The following KCNT1 variants were observed in gnomAD, a reference collection of about 807,000 sequenced individuals.
The protein encoded by KCNT1 is potassium sodium-activated channel subfamily T member 1, also known as potassium channel subfamily T member 1.
Under a neutral mutation model 147.8 loss-of-function variants are expected in KCNT1, and 78 were observed. That is an observed-to-expected ratio of 0.53 (90% CI 0.44 to 0.64). The LOEUF is 0.64. Among genes scored for constraint, KCNT1 ranks in the 30% least tolerant of loss-of-function variants. KCNT1 has a pLI of 0.00. For missense variants in KCNT1, 1,419 were observed against 1,750.3 expected (o/e 0.81, Z 3.38); for synonymous variants, 867 against 748.8 (o/e 1.16, Z -2.58).
At position 135,791,345 on chromosome 9, in the gene KCNT1, C is replaced by G. The variant is rs541933907; in HGVS notation, c.3503-452C>G. The G allele has an allele frequency of 1.5e-5, 3 of 206,344 alleles. No individual in the cohort carries two copies. The East Asian group carries it at 4.3e-4, about 29-fold the overall frequency. The allele number at this position is 206,344 out of a possible 1,614,324, so 12.8% of individuals were successfully genotyped here. On this transcript the variant is annotated intron_variant, in intron 29 of 30. Coordinates refer to ENST00000371757, the MANE Select transcript of KCNT1 (RefSeq NM_020822.3). ...GCATGGGTTGCTATGAAGATCTGTG[C>G]AGACACACAAATGTGTGTGGAATAC...
In KCNT1 at chr9:135,706,424, T is replaced by A. The variant is rs536144396; in HGVS notation, c.110+4056T>A. Among the ~76,000 whole-genome samples, 10 of 152,336 alleles carry A rather than the reference T, an allele frequency of 6.6e-5. 1 individual carries two copies. The South Asian group carries it at 2.1e-3, about 32-fold the overall frequency. Reference sequence around the variant, plus strand: ...GGCCCACGGCCCCCAGGGGTGAGAATGGCTCCTCCTCACAACAGTGCCGGG... The same window carrying A: ...GGCCCACGGCCCCCAGGGGTGAGAAAGGCTCCTCCTCACAACAGTGCCGGG... On this transcript the variant is annotated intron_variant, in intron 1 of 30. Coordinates refer to ENST00000371757, the MANE Select transcript of KCNT1 (RefSeq NM_020822.3).
At chr9:135,787,351 G>A (rs1159904588) in intron 29 of KCNT1, among the ~76,000 whole-genome samples, 2 of 152,200 alleles carry the variant, frequency 1.3e-5, no homozygotes, top group Non-Finnish European at 2.9e-5. Context: ...TACCTCCGTT[G>A]ATGAAGCCAT....
chr9:135,748,962 C>T (rs1564342870), intron 2 of KCNT1, among the ~76,000 whole-genome samples: 2 of 152,150 alleles, frequency 1.3e-5, no homozygotes, highest in Non-Finnish European at 2.9e-5. Flanking sequence ...TGGGAGCAGC[C>T]GAGGGTCCCA....
intron 2 of KCNT1, among the ~76,000 whole-genome samples, chr9:135,745,331 A>T (rs1830773348): frequency 6.6e-6 from 1 of 151,620 alleles, no homozygotes; most frequent in Non-Finnish European, 1.5e-5. Context: ...GCCCACGCCC[A>T]GCTCCTGGGA....
chr9:135,746,875 G>A (rs1391769494), intron 2 of KCNT1, among the ~76,000 whole-genome samples: 1 of 152,164 alleles, frequency 6.6e-6, no homozygotes, highest in African/African-American at 2.4e-5. Context: ...CATCCTGAGG[G>A]CAGAGCTGCA....
At chr9:135,742,683 T>G (rs1036750737) in intron 2 of KCNT1, 14 of 713,996 alleles carry the variant, frequency 2.0e-5, no homozygotes, top group Admixed American at 1.2e-4. Context: ...GTCTACTGCC[T>G]TCTCCATCCG....
chr9:135,714,863 C>A lies in KCNT1; in HGVS notation c.254+143C>A. 1.9e-6 allele frequency: 1 copy of A among 521,908 alleles called. No homozygotes were observed. Among genetic ancestry groups the A allele is most frequent in the Non-Finnish European group, 2.6e-6 (1 of 377,630 alleles). 32.3% of individuals were successfully genotyped at this position (521,908 alleles called of 1,614,324 possible). A position where few individuals can be genotyped will look rare whatever the true frequency, so the allele number is the denominator to read the frequency against. ...CAACTTTTCCCGGCTTCTGGGGACG[C>A]AGAAGTTTCGGAGGGGGTGCGGGCA... On this transcript the variant is annotated intron_variant, in intron 2 of 30. Transcript: ENST00000371757. The surrounding 1 kb of genome is among the most constrained non-coding windows in gnomAD (Gnocchi z 6.2).
intron 2 of KCNT1, among the ~76,000 whole-genome samples, chr9:135,748,418 A>C (rs1003208956): frequency 4.0e-5 from 6 of 149,368 alleles, no homozygotes; most frequent in Non-Finnish European, 8.9e-5. Flanking sequence ...CGAATGTTTT[A>C]ATCACTTTCG....
At chr9:135,772,058 A>C (rs905438394) in intron 18 of KCNT1, among the ~76,000 whole-genome samples, 4 of 152,178 alleles carry the variant, frequency 2.6e-5, no homozygotes, top group Non-Finnish European at 4.4e-5. Flanking sequence ...CAGACCCCGC[A>C]GGTTCCCGGC....
chr9:135,728,323 C>T (rs910987887), intron 2 of KCNT1, among the ~76,000 whole-genome samples: 2 of 152,210 alleles, frequency 1.3e-5, no homozygotes, highest in African/African-American at 4.8e-5. Context: ...CACCCCGACA[C>T]CAGGAAATCG....
At position 135,724,677 on chromosome 9, in the gene KCNT1, G is replaced by T. The variant is rs80047461; in HGVS notation, c.254+9957G>T. ...GTGTATCCTATCCAATATCGGGGAC[G>T]TGCTTATACTTAAGACAATTATTTT... On this transcript the variant is annotated intron_variant, in intron 2 of 30. Coordinates refer to ENST00000371757, the MANE Select transcript of KCNT1 (RefSeq NM_020822.3). Among the ~76,000 whole-genome samples the T allele has an allele frequency of 4.1e-3, 625 of 152,362 alleles. 3 individuals carry two copies. Among genetic ancestry groups the T allele is most frequent in the East Asian group, 0.031 (160 of 5,192 alleles).
intron 2 of KCNT1, among the ~76,000 whole-genome samples, chr9:135,715,246 G>T (rs1431742840): frequency 6.6e-6 from 1 of 152,256 alleles, no homozygotes; most frequent in Non-Finnish European, 1.5e-5. Flanking sequence ...AAGGCAAAAT[G>T]AATTGTGTCT....
intron 11 of KCNT1, among the ~76,000 whole-genome samples, chr9:135,763,898 G>A (rs1832080113): frequency 6.6e-6 from 1 of 152,128 alleles, no homozygotes; most frequent in Non-Finnish European, 1.5e-5. Flanking sequence ...CTGAGGCTCA[G>A]AGTGGGGGAC....
At chr9:135,791,414 C>CCGA in intron 29 of KCNT1, 1 of 258,340 alleles carries the variant, frequency 3.9e-6, no homozygotes, top group South Asian at 5.1e-5. Context: ...TGAAGGCATG[C>CCGA]ATGCATGTGA....
At chr9:135,753,151 G>A (rs60153823) in intron 4 of KCNT1, among the ~76,000 whole-genome samples, 7,127 of 148,844 alleles carry the variant, frequency 0.048, 455 homozygotes, top group East Asian at 0.32. Context: ...ATGGATGAGT[G>A]AGTGGAAAGA....
chr9:135,766,859 G>A (rs1033252227), intron 13 of KCNT1: 2 of 152,194 alleles, frequency 1.3e-5, no homozygotes, highest in African/African-American at 2.4e-5. Context: ...CCAAGTCTAG[G>A]GAAATCTTTG....
chr9:135,778,545 C>T (rs770752412), intron 22 of KCNT1, 50 bp downstream of exon 22: 8 of 1,604,564 alleles, frequency 5.0e-6, no homozygotes, highest in Non-Finnish European at 6.0e-6. Context: ...CCACCCCTCC[C>T]CTCCTCTTCC....
intron 11 of KCNT1, among the ~76,000 whole-genome samples, chr9:135,762,583 A>C (rs192265957): frequency 6.6e-6 from 1 of 152,006 alleles, no homozygotes; most frequent in Non-Finnish European, 1.5e-5. Flanking sequence ...CCCCGTCTCT[A>C]CCAAAAAATA....
In KCNT1 at chr9:135,768,243, GGGGGGGGGGGGGGGCACTGGGATACCGGT is replaced by G. The variant is rs1457452097; in HGVS notation, c.1338-358_1338-330del. ...CTGGAGAGGCCCAGGATGCCTGCGG[GGGGGGGGGGGGGGGCACTGGGATACCGGT>G]GGGGGGGGCACAGGGATGCCTGCTG... is the stretch of plus-strand genomic sequence containing the variant. On this transcript the variant is annotated intron_variant, in intron 13 of 30. Coordinates refer to ENST00000371757, the MANE Select transcript of KCNT1 (RefSeq NM_020822.3). 2.9e-3 allele frequency among the ~76,000 whole-genome samples: 88 copies of G among 30,188 alleles called. 11 individuals carry two copies. The highest frequency in any genetic ancestry group is 6.0e-3 in the Non-Finnish European group (60 of 10,016). The allele number at this position is 30,188 out of a possible 152,430, so 19.8% of individuals were successfully genotyped here. A position where few individuals can be genotyped will look rare whatever the true frequency, so the allele number is the denominator to read the frequency against.
Sources: gnomAD v4.1 joint callset for allele counts (sites outside exome capture counted in the v4.1 genomes callset) on GRCh38, gnomAD v4.1.1 for gene constraint, Gnocchi (gnomAD v3.1) non-coding constraint, MANE v1.5 for transcripts, NCBI Gene and HGNC (gene_info 2026-07-23, HGNC 2026-07-21) for gene names.